Variants in OR1L8 observed in about 807,000 individuals in gnomAD.
OR1L8 encodes olfactory receptor 1L8.
For synonymous variants in OR1L8, 148 were observed against 147.0 expected (o/e 1.01, Z -0.05); for missense variants, 330 against 377.4 (o/e 0.87, Z 1.04).
downstream of OR1L8, among the ~76,000 whole-genome samples, chr9:122,566,612 G>C (rs1010584001): frequency 3.3e-5 from 5 of 152,102 alleles, no homozygotes; most frequent in African/African-American, 1.2e-4. Context: ...TTTCCCTATT[G>C]AAAAGGTTTT....
the OR1L8 span, among the ~76,000 whole-genome samples, chr9:122,552,176 G>A: frequency 1.3e-5 from 2 of 150,690 alleles, no homozygotes; most frequent in Non-Finnish European, 3.0e-5. Context: ...CCTAAGGTCA[G>A]AAGCTTCTCT....
chr9:122,554,130 CT>C, the OR1L8 span: 56 of 1,612,462 alleles, frequency 3.5e-5, no homozygotes, highest in Non-Finnish European at 4.7e-5. Flanking sequence ...TTTGGGTAAA[CT>C]TTTTGTCAGT....
At chr9:122,554,065 T>C in the OR1L8 span, 1 of 1,613,730 alleles carries the variant, frequency 6.2e-7, no homozygotes, top group Non-Finnish European at 8.5e-7. Flanking sequence ...ATGGTGATTA[T>C]TCCCACGCTA....
chr9:122,551,397 C>A, the OR1L8 span, among the ~76,000 whole-genome samples: 2 of 152,104 alleles, frequency 1.3e-5, no homozygotes, highest in African/African-American at 4.8e-5. Context: ...ATTTAGGTTG[C>A]CTCATTAATT....
chr9:122,550,868 C>G, the OR1L8 span, among the ~76,000 whole-genome samples: 85 of 151,946 alleles, frequency 5.6e-4, no homozygotes, highest in African/African-American at 1.7e-3. Context: ...TTCATCACTC[C>G]TATTCAACAT....
rs1829454954 is a variant in OR1L8, at chr9:122,567,688, G to C, written c.790C>G (p.Pro264Ala). Residue 264 changes from proline (P) to alanine (A), a missense_variant, in exon 5 of 5, where the codon CCA becomes GCA. Coordinates refer to ENST00000641027, the MANE Select transcript of OR1L8 (RefSeq NM_001004454.2). Reference protein sequence around the residue: ...GSIFCVYLQPPSTYAVKDHVA... With the variant: ...GSIFCVYLQPASTYAVKDHVA... ...TGGTCCTTGACAGCGTAGGTGGATG[G>C]GGGCTGTAAATAGACACAGAAGATG... is the stretch of plus-strand genomic sequence containing the variant. The C allele has an allele frequency of 6.2e-7, 1 of 1,614,096 alleles. No individual in the cohort carries two copies. The highest frequency in any genetic ancestry group is 8.5e-7 in the Non-Finnish European group (1 of 1,180,012).
At chr9:122,564,211 A>C (rs1038281414), downstream of OR1L8, among the ~76,000 whole-genome samples, 8 of 152,148 alleles carry the variant, frequency 5.3e-5, no homozygotes, top group African/African-American at 1.9e-4. Flanking sequence ...GATTAATGAA[A>C]TTTTAGCTCA....
the OR1L8 span, chr9:122,552,969 A>C: frequency 1.8e-6 from 1 of 542,576 alleles, no homozygotes. Context: ...CTGCTATAGC[A>C]TACAAAGCAC....
chr9:122,568,213 C>T lies in OR1L8; in HGVS notation c.265G>A (p.Glu89Lys). ...VPKMLMNFLS[E>K]KKTISYAGCL... ...CCAGCATAGGAGATGGTCTTCTTTTCTGACAGGAAGTTCATCAGCATCTTG... is the reference window on the plus strand; with the variant it reads ...CCAGCATAGGAGATGGTCTTCTTTTTTGACAGGAAGTTCATCAGCATCTTG... The change falls in exon 5 of 5, where the codon GAA (glutamate) becomes AAA (lysine). Residue 89 changes from glutamate (E) to lysine (K), a missense_variant. Glu to Lys is a moderately conservative substitution (Grantham distance 56). Transcript: ENST00000641027. The T allele has an allele frequency of 1.2e-6, 2 of 1,614,204 alleles. No individual in the cohort carries two copies. The highest frequency in any genetic ancestry group is 1.7e-6 in the Non-Finnish European group (2 of 1,180,030).
chr9:122,552,964 A>G, the OR1L8 span: 1 of 523,532 alleles, frequency 1.9e-6, no homozygotes, highest in South Asian at 3.6e-5. Flanking sequence ...GGATTCTGCT[A>G]TAGCATACAA....
At chr9:122,553,508 G>C in the OR1L8 span, 1 of 1,614,056 alleles carries the variant, frequency 6.2e-7, no homozygotes, top group Non-Finnish European at 8.5e-7. Context: ...CGTATTCTGG[G>C]TGTCTTGCAC....
chr9:122,553,340 G>A, the OR1L8 span: 95 of 1,613,942 alleles, frequency 5.9e-5, no homozygotes, highest in Middle Eastern at 3.3e-4. Context: ...TCACCATGGT[G>A]GGGAACCTGC....
At chr9:122,577,521 G>GTT (rs1829678540) in intron 2 of OR1L8, among the ~76,000 whole-genome samples, 1 of 152,078 alleles carries the variant, frequency 6.6e-6, no homozygotes, top group Non-Finnish European at 1.5e-5. Flanking sequence ...AAGAATACAA[G>GTT]GTTCAGTAAG....
At chr9:122,569,087 A>G (rs1829492891) in intron 4 of OR1L8, among the ~76,000 whole-genome samples, 1 of 152,192 alleles carries the variant, frequency 6.6e-6, no homozygotes, top group South Asian at 2.1e-4. Context: ...AAAACAGCCA[A>G]CAGGGCAAAT....
chr9:122,548,717 A>G, the OR1L8 span, among the ~76,000 whole-genome samples: 3 of 148,526 alleles, frequency 2.0e-5, no homozygotes, highest in Non-Finnish European at 3.0e-5. Flanking sequence ...TACATTAGGT[A>G]TATCTCCTAA....
chr9:122,558,736 C>T, the OR1L8 span, among the ~76,000 whole-genome samples: 1,241 of 151,572 alleles, frequency 8.2e-3, 20 homozygotes, highest in African/African-American at 0.029. Flanking sequence ...ACAAATTTGT[C>T]CTTTAAGATT....
At chr9:122,554,099 G>A in the OR1L8 span, 1 of 1,613,680 alleles carries the variant, frequency 6.2e-7, no homozygotes, top group Non-Finnish European at 8.5e-7. Flanking sequence ...ATAGCTTGAG[G>A]AACAGAGACA....
At chr9:122,553,646 A>G in the OR1L8 span, 1 of 1,614,076 alleles carries the variant, frequency 6.2e-7, no homozygotes, top group East Asian at 2.2e-5. Flanking sequence ...AGCTCTGTGC[A>G]CTAATGCTGG....
At chr9:122,566,976 A>G (rs1444936467), downstream of OR1L8, 1 of 152,128 alleles carries the variant, frequency 6.6e-6, no homozygotes, top group Admixed American at 6.5e-5. Flanking sequence ...AAGTAAATAA[A>G]ACTACAGCAG....
Sources: allele counts gnomAD v4.1 joint callset (sites outside exome capture counted in the v4.1 genomes callset), GRCh38; gene constraint gnomAD v4.1.1; transcripts MANE v1.5; gene names NCBI Gene and HGNC (gene_info 2026-07-23, HGNC 2026-07-21).